MAGI2: variants seen among roughly 807,000 people sequenced by gnomAD.
MAGI2 encodes membrane-associated guanylate kinase, WW and PDZ domain-containing protein 2.
MAGI2 carries 35 observed loss-of-function variants against 133.3 expected under a neutral mutation model. The ratio of observed to expected loss-of-function variants is 0.26; its 90% CI spans 0.20 to 0.35. The LOEUF (loss-of-function observed/expected upper bound fraction) is 0.35, where lower values mean the gene tolerates loss of function less well. Among genes scored for constraint, MAGI2 ranks in the 10% least tolerant of loss-of-function variants. The pLI is 1.00. For synonymous variants in MAGI2, 729 were observed against 710.6 expected (o/e 1.03, Z -0.41); for missense variants, 1,636 against 1,863.4 (o/e 0.88, Z 2.25).
chr7:78,459,301 T>C (rs1789704327), intron 6 of MAGI2, among the ~76,000 whole-genome samples: 1 of 152,206 alleles, frequency 6.6e-6, no homozygotes, highest in African/African-American at 2.4e-5. Context: ...TCTCATCTTG[T>C]CATTATTACC....
chr7:78,463,952 C>G (rs923000399), intron 6 of MAGI2, among the ~76,000 whole-genome samples: 4 of 152,002 alleles, frequency 2.6e-5, no homozygotes, highest in African/African-American at 9.7e-5. Flanking sequence ...AGTAGGGAAG[C>G]AGATGAACAA....
intron 2 of MAGI2, among the ~76,000 whole-genome samples, chr7:78,659,232 C>T (rs572878616): frequency 2.6e-5 from 4 of 151,758 alleles, no homozygotes; most frequent in South Asian, 2.1e-4. Flanking sequence ...AGGCGGATCA[C>T]GAGGTCAGGA....
intron 2 of MAGI2, among the ~76,000 whole-genome samples, chr7:78,982,891 A>T (rs1804914210): frequency 6.6e-6 from 1 of 151,910 alleles, no homozygotes; most frequent in Admixed American, 6.6e-5. Context: ...TTCTGTGAAA[A>T]AAAATTGTTT....
chr7:78,562,825 G>A (rs1032714873), intron 3 of MAGI2, among the ~76,000 whole-genome samples: 8 of 152,148 alleles, frequency 5.3e-5, no homozygotes, highest in African/African-American at 1.9e-4. Flanking sequence ...CATCTCCCTA[G>A]AAGGGATTCT....
intron 9 of MAGI2, among the ~76,000 whole-genome samples, chr7:78,290,645 T>C (rs1479053549): frequency 6.6e-6 from 1 of 152,202 alleles, no homozygotes; most frequent in East Asian, 1.9e-4. Flanking sequence ...TATACATTCT[T>C]CTCAGCACCA....
chr7:79,002,172 C>A (rs1234138228), intron 2 of MAGI2, among the ~76,000 whole-genome samples: 1 of 151,108 alleles, frequency 6.6e-6, no homozygotes, highest in Non-Finnish European at 1.5e-5. Flanking sequence ...CACTCTGTCA[C>A]CCAGGCTGAC....
chr7:78,237,156 C>G (rs1790636943), intron 10 of MAGI2, among the ~76,000 whole-genome samples: 1 of 152,174 alleles, frequency 6.6e-6, no homozygotes, highest in Non-Finnish European at 1.5e-5. Context: ...AAACACACTT[C>G]TACTGTCCCT....
chr7:79,328,399 G>T (rs1839849704), intron 1 of MAGI2, among the ~76,000 whole-genome samples: 1 of 152,084 alleles, frequency 6.6e-6, no homozygotes, highest in African/African-American at 2.4e-5. Flanking sequence ...ACCCTCTTCA[G>T]ACTTGGACAC....
chr7:78,934,277 T>C (rs1317158993), intron 2 of MAGI2, among the ~76,000 whole-genome samples: 1 of 152,062 alleles, frequency 6.6e-6, no homozygotes, highest in East Asian at 1.9e-4. Context: ...ATTATTTTGG[T>C]ATTTTCAGTA....
chr7:78,705,075 C>T (rs1055279512), intron 2 of MAGI2, among the ~76,000 whole-genome samples: 1 of 151,942 alleles, frequency 6.6e-6, no homozygotes, highest in African/African-American at 2.4e-5. Flanking sequence ...AGTTTCCTTT[C>T]CTTTTTGGGG....
At chr7:79,079,307 T>C (rs1272252372) in intron 1 of MAGI2, among the ~76,000 whole-genome samples, 1 of 152,176 alleles carries the variant, frequency 6.6e-6, no homozygotes, top group African/African-American at 2.4e-5. Flanking sequence ...ATTCAAATAT[T>C]CATTGTTTTA....
intron 20 of MAGI2, among the ~76,000 whole-genome samples, chr7:78,085,412 A>T (rs181327094): frequency 1.3e-5 from 2 of 151,850 alleles, no homozygotes; most frequent in African/African-American, 4.8e-5. Flanking sequence ...ATGCCTAGCT[A>T]CTCAGGAGGC....
intron 1 of MAGI2, among the ~76,000 whole-genome samples, chr7:79,044,867 T>C (rs1001616035): frequency 1.4e-4 from 21 of 152,170 alleles, no homozygotes; most frequent in Non-Finnish European, 1.5e-5. Context: ...TTTGACAGTT[T>C]CCTATAAATT....
At chr7:78,361,392 C>CAA (rs34120550) in intron 7 of MAGI2, among the ~76,000 whole-genome samples, 1,381 of 126,582 alleles carry the variant, frequency 0.011, 27 homozygotes, top group African/African-American at 0.032. Flanking sequence ...GACTCCATCT[C>CAA]AAAAAAAAAA....
chr7:79,218,433 C>A (rs929704824), intron 1 of MAGI2, among the ~76,000 whole-genome samples: 1 of 152,144 alleles, frequency 6.6e-6, no homozygotes, highest in South Asian at 2.1e-4. Context: ...GCTATGTAAC[C>A]TTTACCAGTT....
chr7:78,451,065 A>T (rs899505416), intron 6 of MAGI2, among the ~76,000 whole-genome samples: 1 of 152,128 alleles, frequency 6.6e-6, no homozygotes, highest in African/African-American at 2.4e-5. Flanking sequence ...ATATTTCTAC[A>T]TGCACCAGCC....
intron 1 of MAGI2, among the ~76,000 whole-genome samples, chr7:79,400,316 T>C (rs1278590922): frequency 6.6e-6 from 1 of 152,200 alleles, no homozygotes; most frequent in Non-Finnish European, 1.5e-5. Context: ...AATAAATGTT[T>C]ATATGTAAAA....
chr7:79,356,853 G>A (rs980088824), intron 1 of MAGI2, among the ~76,000 whole-genome samples: 1 of 152,066 alleles, frequency 6.6e-6, no homozygotes, highest in African/African-American at 2.4e-5. Context: ...CTATTAAAGA[G>A]ATTACTCTTT....
chr7:79,249,525 ATGCCAATGAATTGGAAAACC>A (rs1201243956), intron 1 of MAGI2, among the ~76,000 whole-genome samples: 1 of 152,188 alleles, frequency 6.6e-6, no homozygotes, highest in Non-Finnish European at 1.5e-5. Flanking sequence ...GAGCAATTAT[ATGCCAATGAATTGGAAAACC>A]TAGAAAATAG....
Sources: gnomAD v4.1 joint callset for allele counts (sites outside exome capture counted in the v4.1 genomes callset) on GRCh38, gnomAD v4.1.1 for gene constraint, MANE v1.5 for transcripts, NCBI Gene and HGNC (gene_info 2026-07-23, HGNC 2026-07-21) for gene names.